The following TNS3 variants were observed in gnomAD, a reference collection of about 807,000 sequenced individuals.
The protein encoded by TNS3 is tensin 3.
TNS3 carries 45 observed loss-of-function variants against 140.9 expected under a neutral mutation model. That is an observed-to-expected ratio of 0.32 (90% CI 0.25 to 0.41). The LOEUF (loss-of-function observed/expected upper bound fraction) is 0.41, where lower values mean the gene tolerates loss of function less well. Ranked by LOEUF, TNS3 falls within the 10% of genes least tolerant of loss-of-function variation. TNS3 has a pLI of 1.00. For missense variants in TNS3, 1,716 were observed against 1,906.7 expected, an observed-to-expected ratio of 0.90 and a Z score of 1.86; for synonymous variants, 815 against 788.4, an observed-to-expected ratio of 1.03 and a Z score of -0.56.
chr7:47,540,946 A>G (rs1394771152), intron 1 of TNS3, among the ~76,000 whole-genome samples: 4 of 152,202 alleles, frequency 2.6e-5, no homozygotes, highest in Non-Finnish European at 5.9e-5. Flanking sequence ...TCTAACTGGC[A>G]AAAAGGAAAA....
At chr7:47,376,369 T>A (rs1463647792) in intron 16 of TNS3, among the ~76,000 whole-genome samples, 1 of 152,206 alleles carries the variant, frequency 6.6e-6, no homozygotes, top group African/African-American at 2.4e-5. Context: ...GGAATTGGCA[T>A]CTTCATCACC....
At chr7:47,528,390 G>A (rs1267399260) in intron 2 of TNS3, among the ~76,000 whole-genome samples, 2 of 152,054 alleles carry the variant, frequency 1.3e-5, no homozygotes, top group Non-Finnish European at 2.9e-5. Context: ...CCCCAACCCC[G>A]CAGATGAAAT....
At chr7:47,537,446 G>C (rs1799642672) in intron 1 of TNS3, among the ~76,000 whole-genome samples, 1 of 152,070 alleles carries the variant, frequency 6.6e-6, no homozygotes, top group African/African-American at 2.4e-5. Context: ...AGCGAGCGCG[G>C]AGGCACAGGC....
At chr7:47,580,346 A>G (rs941463834) in intron 1 of TNS3, among the ~76,000 whole-genome samples, 10 of 152,244 alleles carry the variant, frequency 6.6e-5, no homozygotes, top group Non-Finnish European at 1.5e-5. Context: ...CCTCCAAGGA[A>G]TGTAATTTGG....
chr7:47,280,103 A>C, intron 30 of TNS3, 61 bp downstream of exon 30: 2 of 1,599,944 alleles, frequency 1.3e-6, no homozygotes, highest in East Asian at 4.5e-5. Context: ...CTGGAAGAGA[A>C]TTCAACTTTG....
chr7:47,460,778 A>G (rs1001753317), intron 4 of TNS3, among the ~76,000 whole-genome samples: 9 of 152,236 alleles, frequency 5.9e-5, no homozygotes, highest in African/African-American at 2.2e-4. Flanking sequence ...TAATGTAACT[A>G]GGAAGATTGG....
At chr7:47,533,163 C>T (rs1212909169) in intron 1 of TNS3, among the ~76,000 whole-genome samples, 4 of 109,746 alleles carry the variant, frequency 3.6e-5, no homozygotes, top group Non-Finnish European at 6.8e-5. Flanking sequence ...GACAGAGTCT[C>T]GCTCTGTCGC....
chr7:47,581,934 G>A (rs1224936495), intron 1 of TNS3, 117 bp downstream of exon 1: 3 of 151,976 alleles, frequency 2.0e-5, no homozygotes, highest in Admixed American at 1.3e-4. Context: ...CCCAGCTCCA[G>A]ATCTCTGTGC....
chr7:47,574,487 T>C (rs1800626830), intron 1 of TNS3, among the ~76,000 whole-genome samples: 1 of 151,802 alleles, frequency 6.6e-6, no homozygotes, highest in Admixed American at 6.6e-5. Context: ...CCAAAAAGCT[T>C]GTGCTCACCA....
At chr7:47,546,277 C>T (rs1799918906) in intron 1 of TNS3, among the ~76,000 whole-genome samples, 1 of 152,204 alleles carries the variant, frequency 6.6e-6, no homozygotes, top group Non-Finnish European at 1.5e-5. Flanking sequence ...CTTACCTGAG[C>T]CACTTGTCTC....
At position 47,344,799 on chromosome 7, in the gene TNS3, T is replaced by G. The variant is rs1789230678; in HGVS notation, c.2606A>C (p.Glu869Ala). The G allele has an allele frequency of 2.5e-6, 4 of 1,613,390 alleles. No homozygotes were observed. The highest frequency in any genetic ancestry group is 1.8e-4 in the Middle Eastern group (1 of 5,582). The change falls in exon 20 of 31, where the codon GAG (glutamate) becomes GCG (alanine). Residue 869 changes from glutamate to alanine, a missense_variant. Physicochemically the swap from Glu to Ala is moderately radical, Grantham distance 107 (BLOSUM62 -1). Around this residue, in one of 3 missense-constraint regions of TNS3, gnomAD observed 1,163 missense variants for 1,182.1 expected, o/e 0.98. Coordinates refer to ENST00000311160, the MANE Select transcript of TNS3 (RefSeq NM_022748.12). ...ALRHPPFSPP[E>A]PPLSSPASQH... is the part of the protein sequence containing the mutation. The stretch of plus-strand genomic sequence containing the variant: ...ACTGGCTGGGCTGCTCAGCGGGGGC[T>G]CAGGTGGGCTGAACGGAGGATGGCG...
At position 47,354,567 on chromosome 7, in the gene TNS3, G is replaced by T. The variant is rs188595528; in HGVS notation, c.2282-8211C>A. Reference sequence around the variant, plus strand: ...CTCCCAGCCTGAGGCCCAGGTGCTGGGGAAGAGCTGCCCTTACTTCCCTGC... The same window carrying T: ...CTCCCAGCCTGAGGCCCAGGTGCTGTGGAAGAGCTGCCCTTACTTCCCTGC... On this transcript the variant is annotated intron_variant, in intron 17 of 30. Transcript: ENST00000311160. 5.3e-4 allele frequency among the ~76,000 whole-genome samples: 81 copies of T among 152,088 alleles called. 1 individual carries two copies. Among genetic ancestry groups the T allele is most frequent in the African/African-American group, 1.9e-3 (80 of 41,496 alleles).
chr7:47,380,358 G>T (rs1215596237), intron 16 of TNS3, among the ~76,000 whole-genome samples: 1 of 152,212 alleles, frequency 6.6e-6, no homozygotes, highest in Non-Finnish European at 1.5e-5. Flanking sequence ...AAGCCCAGAG[G>T]AAAAGAGGAG....
At chr7:47,385,654 G>A (rs576608262) in intron 16 of TNS3, among the ~76,000 whole-genome samples, 1 of 152,292 alleles carries the variant, frequency 6.6e-6, no homozygotes, top group Non-Finnish European at 1.5e-5. Context: ...ATTAACAAGA[G>A]AGCAATATAT....
chr7:47,514,765 G>A lies in TNS3; in HGVS notation c.-152-7821C>T. ...GAGCATTTATGCGTGGTCTGACCCTGGATCCTCCCTGGATCTACCTTCTTC... is the reference window on the plus strand; with the variant it reads ...GAGCATTTATGCGTGGTCTGACCCTAGATCCTCCCTGGATCTACCTTCTTC... On this transcript the variant is annotated intron_variant, in intron 2 of 30. Transcript: ENST00000311160. 1.3e-5 allele frequency among the ~76,000 whole-genome samples: 2 copies of A among 152,092 alleles called. 1 individual carries two copies. The highest frequency in any genetic ancestry group is 2.9e-5 in the Non-Finnish European group (2 of 68,016).
chr7:47,470,455 G>T (rs1796904879), intron 4 of TNS3: 1 of 985,276 alleles, frequency 1.0e-6, no homozygotes, highest in African/African-American at 1.7e-5. Flanking sequence ...GATTTTTCTT[G>T]TCTGCTGCAG....
Position 47,506,896 on chromosome 7 carries a change from G to A in TNS3, c.-115+11C>T, listed in dbSNP as rs748133626. ...ATAAAAAGTCCCATGGGAAAGCAAC[G>A]GAATGCTTACCTTGGCTTCACATTT... On this transcript the variant is annotated intron_variant, in intron 3 of 30. Coordinates refer to ENST00000311160, the MANE Select transcript of TNS3 (RefSeq NM_022748.12). 8.2e-5 allele frequency: 106 copies of A among 1,289,162 alleles called. No individual in the cohort carries two copies. The highest frequency in any genetic ancestry group is 1.0e-4 in the Non-Finnish European group (103 of 988,598). The allele number at this position is 1,289,162 out of a possible 1,614,324, so 79.9% of individuals were successfully genotyped here.
In TNS3 at chr7:47,304,008, G is replaced by A. The variant is rs865938883; in HGVS notation, c.2823-424C>T. Among the ~76,000 whole-genome samples the A allele has an allele frequency of 6.6e-5, 10 of 152,266 alleles. No homozygotes were observed. The South Asian group carries it at 1.2e-3, about 19-fold the overall frequency. ...TGTGGCCACATACACGTGTGCCCTCGGGAGTAGAAATGCCCTCCCGTCTTG... is the reference window on the plus strand; with the variant it reads ...TGTGGCCACATACACGTGTGCCCTCAGGAGTAGAAATGCCCTCCCGTCTTG... On this transcript the variant is annotated intron_variant, in intron 21 of 30. Transcript: ENST00000311160.
chr7:47,325,814 A>G (rs1305282109), intron 20 of TNS3, among the ~76,000 whole-genome samples: 1 of 152,176 alleles, frequency 6.6e-6, no homozygotes, highest in Non-Finnish European at 1.5e-5. Context: ...TCCTGTCCTG[A>G]TCCTACATCA....
Sources: allele counts gnomAD v4.1 joint callset (sites outside exome capture counted in the v4.1 genomes callset), GRCh38; gene constraint gnomAD v4.1.1; regional missense constraint gnomAD v4.1.1; transcripts MANE v1.5; gene names NCBI Gene and HGNC (gene_info 2026-07-23, HGNC 2026-07-21).